The following NFASC variants were observed in gnomAD, a reference collection of about 807,000 sequenced individuals.
NFASC encodes neurofascin homolog.
NFASC carries 43 observed loss-of-function variants against 147.5 expected under a neutral mutation model. That is an observed-to-expected ratio of 0.29 (90% CI 0.23 to 0.38). The LOEUF (loss-of-function observed/expected upper bound fraction) is 0.38. NFASC is among the 10% of genes least tolerant of loss of function. The pLI is 1.00. For synonymous variants in NFASC, 622 were observed against 665.5 expected, an observed-to-expected ratio of 0.93 and a Z score of 1.01; for missense variants, 1,320 against 1,689.0, an observed-to-expected ratio of 0.78 and a Z score of 3.83.
In NFASC at chr1:205,016,162, C is replaced by A. The variant is rs1207165458; in HGVS notation, c.3492-146C>A. 4 of 673,410 alleles carry A rather than the reference C, an allele frequency of 5.9e-6. No homozygotes were observed. The highest frequency in any genetic ancestry group is 1.1e-5 in the Non-Finnish European group (4 of 376,528). 41.7% of individuals were successfully genotyped at this position (673,410 alleles called of 1,614,324 possible). A position where few individuals can be genotyped will look rare whatever the true frequency, so the allele number is the denominator to read the frequency against. On this transcript the variant is annotated intron_variant, in intron 29 of 29. Transcript: ENST00000339876. This position sits in a 1 kb window ranked among gnomAD's most constrained non-coding sequence, Gnocchi z 5.1. Reference sequence around the variant, plus strand: ...AGGCCTCCATTTCCCTTCTGCAAAGCAGGCTGGACAGGGGAGGGTGAAGCG... The same window carrying A: ...AGGCCTCCATTTCCCTTCTGCAAAGAAGGCTGGACAGGGGAGGGTGAAGCG...
intron 1 of NFASC, among the ~76,000 whole-genome samples, chr1:204,876,529 C>G (rs2078823603): frequency 6.6e-6 from 1 of 152,076 alleles, no homozygotes; most frequent in African/African-American, 2.4e-5. Context: ...TATTATATAA[C>G]CATCATCACT....
Position 205,010,683 on chromosome 1 carries a change from C to G in NFASC, c.3421+995C>G, listed in dbSNP as rs2096238464. The G allele has an allele frequency of 6.6e-6, 1 of 152,212 alleles. No homozygotes were observed. Among genetic ancestry groups the G allele is most frequent in the Admixed American group, 6.5e-5 (1 of 15,282 alleles). The allele number at this position is 152,212 out of a possible 1,614,324, so 9.4% of individuals were successfully genotyped here. On this transcript the variant is annotated intron_variant, in intron 28 of 29. Coordinates refer to ENST00000339876, the MANE Select transcript of NFASC (RefSeq NM_001005388.3). This position sits in a 1 kb window ranked among gnomAD's most constrained non-coding sequence, Gnocchi z 4.1. ...TTGCGAGGCTGAGGCAGGCAGATCA[C>G]TTGAGGTCAGGAGTTCGAGACCAGC...
chr1:204,897,625 G>A (rs1241830642), intron 1 of NFASC, among the ~76,000 whole-genome samples: 1 of 151,382 alleles, frequency 6.6e-6, no homozygotes, highest in South Asian at 2.1e-4. Context: ...CCAGGCTGGA[G>A]TGCAGTGGCA....
rs547050964 is a variant in NFASC, at chr1:204,877,480, G to A, written c.-199-43152G>A. On this transcript the variant is annotated intron_variant, in intron 1 of 29. Coordinates refer to ENST00000339876, the MANE Select transcript of NFASC (RefSeq NM_001005388.3). ...GGGGGTGGATCAAGTCTTTGGAAAG[G>A]GTAAGTTTCTATTTAACCTTTAGGA... Among the ~76,000 whole-genome samples the A allele has an allele frequency of 2.6e-5, 4 of 152,150 alleles. No homozygotes were observed. In the South Asian group the frequency reaches 6.2e-4, roughly 24 times the overall value.
chr1:204,896,028 G>C (rs925934296), intron 1 of NFASC, among the ~76,000 whole-genome samples: 5 of 152,212 alleles, frequency 3.3e-5, no homozygotes, highest in Non-Finnish European at 7.3e-5. Flanking sequence ...AGATTATTTT[G>C]TTTAGGAGCT....
At chr1:204,870,954 T>G in intron 1 of NFASC, 4 of 1,276,626 alleles carry the variant, frequency 3.1e-6, no homozygotes, top group Non-Finnish European at 3.1e-6. Flanking sequence ...GGCCTAAGTC[T>G]GCCAGCTGGG....
chr1:204,955,184 C>A (rs1476493529), intron 7 of NFASC, among the ~76,000 whole-genome samples: 1 of 152,178 alleles, frequency 6.6e-6, no homozygotes, highest in Non-Finnish European at 1.5e-5. Flanking sequence ...AAATTGCTTA[C>A]ATCTCTGGGC....
intron 2 of NFASC, among the ~76,000 whole-genome samples, chr1:204,932,518 TA>T (rs558960613): frequency 2.1e-3 from 302 of 143,664 alleles, no homozygotes; most frequent in East Asian, 9.4e-3. Context: ...AAAAGGCATT[TA>T]AAAAAAAAAA....
chr1:204,890,000 C>T (rs1262250385), intron 1 of NFASC, among the ~76,000 whole-genome samples: 1 of 152,180 alleles, frequency 6.6e-6, no homozygotes, highest in African/African-American at 2.4e-5. Context: ...TTTATTTCCT[C>T]GGGGCTGTAA....
At chr1:204,957,554 T>A (rs2094485483) in intron 7 of NFASC, 102 bp from the exon 8 acceptor site, 3 of 1,052,986 alleles carry the variant, frequency 2.8e-6, no homozygotes, top group Non-Finnish European at 4.3e-6. Flanking sequence ...AAGCTCCTGG[T>A]CGCCACCTGA....
intron 21 of NFASC, among the ~76,000 whole-genome samples, chr1:204,983,525 T>C (rs1002407930): frequency 6.6e-6 from 1 of 152,144 alleles, no homozygotes; most frequent in African/African-American, 2.4e-5. Flanking sequence ...TTAGGAGCCA[T>C]GGCCTTAGGT....
chr1:204,930,131 G>A (rs2092221290), intron 2 of NFASC, among the ~76,000 whole-genome samples: 1 of 152,192 alleles, frequency 6.6e-6, no homozygotes. Context: ...GAGAATGGAG[G>A]TGTTGTTGAT....
rs1483935440 is a variant in NFASC at position 205,016,592 on chromosome 1, G to A, written c.*53G>A. 7.3e-7 allele frequency: 1 copy of A among 1,372,228 alleles called. No homozygotes were observed. Among genetic ancestry groups the A allele is most frequent in the African/African-American group, 1.4e-5 (1 of 70,200 alleles). The allele number at this position is 1,372,228 out of a possible 1,614,324, so 85.0% of individuals were successfully genotyped here. On this transcript the variant is annotated 3_prime_UTR_variant, in exon 30 of 30. Transcript: ENST00000339876. This position sits in a 1 kb window ranked among gnomAD's most constrained non-coding sequence, Gnocchi z 5.1. ...TTTGCAAGTGGGAGGAGGGGAGAAG[G>A]GGAGACAAAACCACTGCAGACCTAC...
chr1:204,936,539 C>A (rs1406296819), intron 2 of NFASC, among the ~76,000 whole-genome samples: 1 of 152,186 alleles, frequency 6.6e-6, no homozygotes, highest in African/African-American at 2.4e-5. Context: ...TCTGTCCTCA[C>A]CCCTCTGGGT....
intron 5 of NFASC, 46 bp downstream of exon 5, chr1:204,952,162 C>G: frequency 6.9e-7 from 1 of 1,443,564 alleles, no homozygotes; most frequent in Non-Finnish European, 9.7e-7. Flanking sequence ...CCGCTTGCCT[C>G]TGGGCCTGAT....
At chr1:204,896,530 T>A (rs2181293) in intron 1 of NFASC, among the ~76,000 whole-genome samples, 15,161 of 152,160 alleles carry the variant, frequency 0.1, 1,701 homozygotes, top group East Asian at 0.51. Flanking sequence ...AGAAGGTTCA[T>A]AGGAAAGGCT....
chr1:204,999,250 C>G (rs1458495259), intron 25 of NFASC: 1 of 152,066 alleles, frequency 6.6e-6, no homozygotes, highest in Non-Finnish European at 1.5e-5. Context: ...TCTCTTTGAA[C>G]TTTTTAGTGC....
chr1:204,912,878 A>T (rs1397521544), intron 1 of NFASC, among the ~76,000 whole-genome samples: 4 of 152,066 alleles, frequency 2.6e-5, no homozygotes, highest in African/African-American at 9.6e-5. Flanking sequence ...TAATTTAAAA[A>T]TTAGCTAAGC....
intron 1 of NFASC, among the ~76,000 whole-genome samples, chr1:204,883,984 G>A (rs1009425628): frequency 7.2e-5 from 11 of 152,166 alleles, no homozygotes; most frequent in Non-Finnish European, 1.6e-4. Context: ...TAACCCAGTG[G>A]GGAACCCAGC....
Sources: allele counts gnomAD v4.1 joint callset (sites outside exome capture counted in the v4.1 genomes callset), GRCh38; gene constraint gnomAD v4.1.1; non-coding constraint Gnocchi (gnomAD v3.1); transcripts MANE v1.5; gene names NCBI Gene and HGNC (gene_info 2026-07-23, HGNC 2026-07-21).